SEMA3C: variants seen among roughly 807,000 people sequenced by gnomAD.
SEMA3C encodes the protein semaphorin-3C.
In SEMA3C, 47 loss-of-function variants were observed where a neutral mutation model predicts 89.4. That is an observed-to-expected ratio of 0.53 (90% CI 0.42 to 0.67). The LOEUF is 0.67. Among genes scored for constraint, SEMA3C ranks in the 30% least tolerant of loss-of-function variants. The pLI, the probability that SEMA3C is intolerant of heterozygous loss-of-function variation, is 0.00. For synonymous variants in SEMA3C, 310 were observed against 320.2 expected (o/e 0.97, Z 0.34); for missense variants, 839 against 929.1 (o/e 0.90, Z 1.26).
upstream of SEMA3C, chr7:80,919,252 C>T: frequency 1.0e-6 from 1 of 985,228 alleles, no homozygotes; most frequent in Non-Finnish European, 1.2e-6. Context: ...GGGGGCGGAC[C>T]GGGCGGGGCC....
chr7:80,765,029 C>A, intron 13 of SEMA3C, 126 bp downstream of exon 13: 2 of 611,028 alleles, frequency 3.3e-6, no homozygotes, highest in Non-Finnish European at 2.8e-6. Context: ...TTTTCCTACC[C>A]TCAAAAATTC....
chr7:80,828,458 A>G, intron 3 of SEMA3C, 127 bp downstream of exon 3: 1 of 718,876 alleles, frequency 1.4e-6, no homozygotes, highest in Non-Finnish European at 2.1e-6. Context: ...ACTAACTTTC[A>G]TAGTAACATG....
At chr7:80,908,734 A>C (rs968445477) in intron 2 of SEMA3C, among the ~76,000 whole-genome samples, 6 of 152,078 alleles carry the variant, frequency 3.9e-5, no homozygotes, top group African/African-American at 1.4e-4. Context: ...TGTCAGAAAA[A>C]TGGGAGGGAG....
intron 2 of SEMA3C, among the ~76,000 whole-genome samples, chr7:80,838,432 TC>T (rs1018675567): frequency 6.6e-6 from 1 of 152,188 alleles, no homozygotes; most frequent in Non-Finnish European, 1.5e-5. Flanking sequence ...GCTAATGTAA[TC>T]CTTCATATTA....
intron 4 of SEMA3C, among the ~76,000 whole-genome samples, chr7:80,823,553 A>G (rs1789803118): frequency 6.6e-6 from 1 of 152,148 alleles, no homozygotes; most frequent in Non-Finnish European, 1.5e-5. Context: ...AAAATACTTC[A>G]TACTTTCTTC....
At chr7:80,846,105 T>C (rs1271034033) in intron 2 of SEMA3C, among the ~76,000 whole-genome samples, 1 of 152,160 alleles carries the variant, frequency 6.6e-6, no homozygotes, top group Non-Finnish European at 1.5e-5. Context: ...ATAAGGGTAG[T>C]CTATGTGCCT....
chr7:80,779,851 T>C (rs1788652868), intron 12 of SEMA3C, among the ~76,000 whole-genome samples: 1 of 152,162 alleles, frequency 6.6e-6, no homozygotes, highest in Admixed American at 6.6e-5. Flanking sequence ...CTACTAGCCT[T>C]GAAGAAGCAA....
intron 2 of SEMA3C, among the ~76,000 whole-genome samples, chr7:80,906,722 A>T (rs1451097207): frequency 2.0e-5 from 3 of 151,794 alleles, no homozygotes; most frequent in Non-Finnish European, 4.4e-5. Context: ...ACCAGTGTAG[A>T]TCATTATAAA....
chr7:80,846,002 T>C (rs1790380466), intron 2 of SEMA3C, among the ~76,000 whole-genome samples: 1 of 152,214 alleles, frequency 6.6e-6, no homozygotes, highest in South Asian at 2.1e-4. Context: ...ATGGACTTTC[T>C]TTTTCTCAAA....
At chr7:80,766,032 A>T (rs1265231714) in intron 12 of SEMA3C, among the ~76,000 whole-genome samples, 1 of 152,248 alleles carries the variant, frequency 6.6e-6, no homozygotes, top group East Asian at 1.9e-4. Flanking sequence ...TGTATAAGTC[A>T]CTAGGATTGG....
intron 14 of SEMA3C, 145 bp downstream of exon 14, chr7:80,761,471 T>G: frequency 2.1e-6 from 1 of 466,572 alleles, no homozygotes; most frequent in Non-Finnish European, 3.9e-6. Flanking sequence ...TACATCAAAA[T>G]TAAAGGTGAC....
chr7:80,800,423 C>G (rs890891489), intron 10 of SEMA3C, among the ~76,000 whole-genome samples: 4 of 151,872 alleles, frequency 2.6e-5, no homozygotes, highest in African/African-American at 9.7e-5. Flanking sequence ...TAACAGCAAC[C>G]AAAAAAATGC....
intron 2 of SEMA3C, 114 bp from the exon 3 acceptor site, chr7:80,828,859 T>C (rs971457523): frequency 1.3e-6 from 1 of 798,694 alleles, no homozygotes; most frequent in African/African-American, 1.7e-5. Context: ...CATTTTCTTC[T>C]ACAGTAAGAA....
chr7:80,745,775 C>T (rs1231862774), intron 17 of SEMA3C, among the ~76,000 whole-genome samples: 2 of 151,894 alleles, frequency 1.3e-5, no homozygotes, highest in South Asian at 4.1e-4. Context: ...TGAATTTTAT[C>T]GTTTTGTTTC....
chr7:80,907,486 C>T (rs1486437924), intron 2 of SEMA3C, among the ~76,000 whole-genome samples: 1 of 152,032 alleles, frequency 6.6e-6, no homozygotes, highest in African/African-American at 2.4e-5. Flanking sequence ...AAGGAAAAAG[C>T]CCTTGAGCCT....
intron 11 of SEMA3C, among the ~76,000 whole-genome samples, chr7:80,790,430 C>T (rs1444414748): frequency 6.6e-6 from 1 of 152,096 alleles, no homozygotes; most frequent in Non-Finnish European, 1.5e-5. Flanking sequence ...TGGTAACTCC[C>T]CTCTATCAAA....
chr7:80,812,493 C>G (rs1383174330), intron 5 of SEMA3C, among the ~76,000 whole-genome samples: 1 of 152,098 alleles, frequency 6.6e-6, no homozygotes, highest in Non-Finnish European at 1.5e-5. Context: ...AATAGTAAGC[C>G]TTGTTGCGGT....
chr7:80,747,382 T>C (rs761876614), intron 17 of SEMA3C, among the ~76,000 whole-genome samples: 23 of 152,170 alleles, frequency 1.5e-4, no homozygotes, highest in Admixed American at 7.2e-4. Context: ...TATTCACTTA[T>C]ATATTATTCT....
At chr7:80,749,399 G>A (rs564925394) in intron 16 of SEMA3C, among the ~76,000 whole-genome samples, 1 of 152,262 alleles carries the variant, frequency 6.6e-6, no homozygotes, top group Non-Finnish European at 1.5e-5. Flanking sequence ...TGAGTTATGA[G>A]GAAATACACT....
Sources: gnomAD v4.1 joint callset for allele counts (sites outside exome capture counted in the v4.1 genomes callset) on GRCh38, gnomAD v4.1.1 for gene constraint, MANE v1.5 for transcripts, NCBI Gene and HGNC (gene_info 2026-07-23, HGNC 2026-07-21) for gene names.